Variants in MACROD2 observed in about 807,000 individuals in gnomAD.
MACROD2 encodes the protein ADP-ribose glycohydrolase MACROD2.
MACROD2 carries 36 observed loss-of-function variants against 70.4 expected under a neutral mutation model. The ratio of observed to expected loss-of-function variants is 0.51; its 90% confidence interval spans 0.39 to 0.68. The LOEUF is 0.68. Among genes scored for constraint, MACROD2 ranks in the 30% least tolerant of loss-of-function variants. The pLI, the probability that MACROD2 is intolerant of heterozygous loss-of-function variation, is 0.00. For missense variants in MACROD2, 496 were observed against 538.4 expected, an observed-to-expected ratio of 0.92 and a Z score of 0.78; for synonymous variants, 172 against 178.8, an observed-to-expected ratio of 0.96 and a Z score of 0.30.
chr20:15,305,981 C>T (rs528740796), intron 6 of MACROD2, among the ~76,000 whole-genome samples: 1 of 152,172 alleles, frequency 6.6e-6, no homozygotes, highest in East Asian at 1.9e-4. Context: ...CCTTTCATTC[C>T]AGGACATTTT....
chr20:15,524,853 C>T (rs2047701097), intron 8 of MACROD2, among the ~76,000 whole-genome samples: 1 of 152,214 alleles, frequency 6.6e-6, no homozygotes, highest in African/African-American at 2.4e-5. Flanking sequence ...TCAATAGTCA[C>T]ATGTGGCTGG....
chr20:15,703,740 A>C (rs1467821416), intron 8 of MACROD2, among the ~76,000 whole-genome samples: 2 of 152,332 alleles, frequency 1.3e-5, no homozygotes, highest in African/African-American at 4.8e-5. Context: ...CTGAAGGCTC[A>C]GCTGGGTCTA....
At chr20:14,862,470 T>A (rs1311193968) in intron 5 of MACROD2, among the ~76,000 whole-genome samples, 11 of 30,874 alleles carry the variant, frequency 3.6e-4, no homozygotes, top group Admixed American at 2.2e-3. Flanking sequence ...TAAATATATA[T>A]ATATAAATAT....
chr20:15,519,461 A>T (rs1189846582), intron 8 of MACROD2, among the ~76,000 whole-genome samples: 1 of 152,182 alleles, frequency 6.6e-6, no homozygotes, highest in Non-Finnish European at 1.5e-5. Flanking sequence ...AAACTGAGGC[A>T]GATAGTCTTG....
chr20:15,302,751 A>G (rs1342829372), intron 6 of MACROD2, among the ~76,000 whole-genome samples: 1 of 152,202 alleles, frequency 6.6e-6, no homozygotes, highest in African/African-American at 2.4e-5. Flanking sequence ...AAACTGTACC[A>G]TTTCACATTC....
intron 4 of MACROD2, among the ~76,000 whole-genome samples, chr20:14,658,625 T>G (rs1028208230): frequency 3.9e-5 from 6 of 152,190 alleles, no homozygotes; most frequent in Non-Finnish European, 8.8e-5. Context: ...TTTGTTTGTT[T>G]TTTTGGGAGA....
intron 3 of MACROD2, among the ~76,000 whole-genome samples, chr20:14,118,966 C>T (rs535109788): frequency 6.6e-6 from 1 of 151,322 alleles, no homozygotes; most frequent in African/African-American, 2.4e-5. Context: ...CTGCCTCAGC[C>T]TCCTGAGTAG....
intron 3 of MACROD2, among the ~76,000 whole-genome samples, chr20:14,401,261 A>C: frequency 6.6e-6 from 1 of 152,166 alleles, no homozygotes; most frequent in East Asian, 1.9e-4. Context: ...TGGCAAACAT[A>C]GGTATGCATG....
chr20:15,461,006 A>ATATATATATTTTTTTTTT lies in MACROD2; in HGVS notation c.571+29572_571+29573insATATATATTTTTTTTTTT. Among the ~76,000 whole-genome samples, 65 of 66,990 alleles carry ATATATATATTTTTTTTTT rather than the reference A, an allele frequency of 9.7e-4. 1 individual carries two copies. Among genetic ancestry groups the ATATATATATTTTTTTTTT allele is most frequent in the South Asian group, 3.4e-3 (5 of 1,462 alleles). The allele number at this position is 66,990 out of a possible 152,430, so 43.9% of individuals were successfully genotyped here. On this transcript the variant is annotated intron_variant, in intron 7 of 17. Coordinates refer to ENST00000684519, the MANE Select transcript of MACROD2 (RefSeq NM_001351661.2). ...TATATATATATATATATATATATAT[A>ATATATATATTTTTTTTTT]TTTTTTTTTAATAGATGGGGTCTTG...
intron 8 of MACROD2, among the ~76,000 whole-genome samples, chr20:15,571,683 G>A (rs930162699): frequency 3.3e-5 from 5 of 151,888 alleles, no homozygotes; most frequent in Non-Finnish European, 5.9e-5. Context: ...TGAAATATAT[G>A]GAATAACATT....
intron 6 of MACROD2, among the ~76,000 whole-genome samples, chr20:15,304,378 A>G (rs767073075): frequency 3.9e-5 from 6 of 152,158 alleles, no homozygotes; most frequent in Non-Finnish European, 7.3e-5. Context: ...GTTGGTCAAC[A>G]TTTACCAATC....
At position 14,399,470 on chromosome 20, in the gene MACROD2, G is replaced by A. The variant is rs572407880; in HGVS notation, c.272-94009G>A. On this transcript the variant is annotated intron_variant, in intron 3 of 17. Coordinates refer to ENST00000684519, the MANE Select transcript of MACROD2 (RefSeq NM_001351661.2). The stretch of plus-strand genomic sequence containing the variant: ...CATTTTTATCTTTGTTACGTAAGAT[G>A]TAATTTCTCTCTAGCTACGTTTAAT... Among the ~76,000 whole-genome samples, 10 of 152,186 alleles carry A rather than the reference G, an allele frequency of 6.6e-5. No homozygotes were observed. The East Asian group carries it at 1.9e-3, about 29-fold the overall frequency.
At chr20:14,980,615 T>C in intron 5 of MACROD2, among the ~76,000 whole-genome samples, 1 of 152,162 alleles carries the variant, frequency 6.6e-6, no homozygotes, top group Non-Finnish European at 1.5e-5. Flanking sequence ...AGTGAAATAC[T>C]ACTAATCATT....
chr20:14,862,595 A>ATG (rs1182594425), intron 5 of MACROD2, among the ~76,000 whole-genome samples: 15 of 37,856 alleles, frequency 4.0e-4, no homozygotes, highest in African/African-American at 1.6e-3. Context: ...ATAAATATAT[A>ATG]TATAAATATA....
chr20:14,348,711 T>C (rs1601516783), intron 3 of MACROD2, among the ~76,000 whole-genome samples: 1 of 152,314 alleles, frequency 6.6e-6, no homozygotes, highest in East Asian at 1.9e-4. Context: ...TAAATGAATA[T>C]TTATGACTTG....
intron 2 of MACROD2, among the ~76,000 whole-genome samples, chr20:14,024,560 A>G (rs1256181066): frequency 6.6e-6 from 1 of 152,158 alleles, no homozygotes; most frequent in Admixed American, 6.6e-5. Flanking sequence ...GATACATTCC[A>G]TCAGTACCTA....
intron 10 of MACROD2, among the ~76,000 whole-genome samples, chr20:15,909,628 A>G (rs2065204378): frequency 7.3e-6 from 1 of 137,450 alleles, no homozygotes; most frequent in African/African-American, 2.8e-5. Flanking sequence ...GGTTCACACC[A>G]TTCTCCTGCC....
intron 3 of MACROD2, among the ~76,000 whole-genome samples, chr20:14,450,760 A>G (rs2084236156): frequency 6.6e-6 from 1 of 152,118 alleles, no homozygotes; most frequent in East Asian, 1.9e-4. Context: ...TTCATGAACA[A>G]TTCCTACTGA....
At chr20:14,479,651 T>A (rs2084639840) in intron 3 of MACROD2, among the ~76,000 whole-genome samples, 1 of 152,166 alleles carries the variant, frequency 6.6e-6, no homozygotes, top group Non-Finnish European at 1.5e-5. Flanking sequence ...ACAGTTGTAT[T>A]TAGCAGGAGT....
Sources: gnomAD v4.1 joint callset for allele counts (sites outside exome capture counted in the v4.1 genomes callset) on GRCh38, gnomAD v4.1.1 for gene constraint, MANE v1.5 for transcripts, NCBI Gene and HGNC (gene_info 2026-07-23, HGNC 2026-07-21) for gene names.